The following MRPL9 variants were observed in gnomAD, a reference collection of about 807,000 sequenced individuals.
The protein encoded by MRPL9 is mitochondrial ribosomal protein L9.
A neutral mutation model predicts 27.6 loss-of-function variants in MRPL9; 25 were observed. The observed-to-expected ratio is 0.91, with a 90% CI of 0.66 to 1.27. MRPL9 has a LOEUF of 1.27. Among genes scored for constraint, MRPL9 ranks in the 50% most tolerant of loss-of-function variants. The pLI is 0.00. For synonymous variants in MRPL9, 154 were observed against 139.0 expected (o/e 1.11, Z -0.76); for missense variants, 362 against 338.0 (o/e 1.07, Z -0.56).
Position 151,760,883 on chromosome 1 carries a change from G to A in MRPL9, c.605C>T (p.Ala202Val). Residue 202 changes from alanine (A) to valine (V), a missense_variant, in exon 6 of 7, where the codon GCC becomes GTC. Coordinates refer to ENST00000368830, the MANE Select transcript of MRPL9 (RefSeq NM_031420.4). ...TTCTGGTAACTTTAATGTATGTGGG[G>A]CAACCACAACACCAAGCTGCAAAAA... ...HFFKNLGVVV[A>V]PHTLKLPEEP... The A allele has an allele frequency of 1.3e-6, 2 of 1,514,230 alleles. No individual in the cohort carries two copies. The highest frequency in any genetic ancestry group is 1.2e-5 in the South Asian group (1 of 83,322). The allele number at this position is 1,514,230 out of a possible 1,614,324, so 93.8% of individuals were successfully genotyped here.
Position 151,762,323 on chromosome 1 carries a change from A to G in MRPL9, c.435+53T>C, listed in dbSNP as rs754110212. The G allele has an allele frequency of 1.9e-6, 3 of 1,609,660 alleles. No homozygotes were observed. The South Asian group carries it at 3.3e-5, about 18-fold the overall frequency. On this transcript the variant is annotated intron_variant, in intron 3 of 6. Coordinates refer to ENST00000368830, the MANE Select transcript of MRPL9 (RefSeq NM_031420.4). ...AAATGTCAAAGGGAAGGAAGCTGCA[A>G]GAGAAAAGAAGTTTTATCTCCCCAA...
chr1:151,760,851 T>C lies in MRPL9; in HGVS notation c.637A>G (p.Ile213Val), dbSNP rs74228558. ...CACCAATACTCGCCCCACCGTGTGA[T>C]AGGCTCTTCTGGTAACTTTAATGTA... The part of the protein sequence containing the change: ...PHTLKLPEEP[I>V]TRWGEYWCEV... Residue 213 changes from isoleucine to valine, a missense_variant, in exon 6 of 7, where the codon ATC (isoleucine) becomes GTC (valine). By Grantham distance (29) the Ile-to-Val change is conservative. Transcript: ENST00000368830. The C allele has an allele frequency of 0.097, 151,664 of 1,567,210 alleles. 8,582 individuals are homozygous for C. Among genetic ancestry groups the C allele is most frequent in the Non-Finnish European group, 0.11 (124,041 of 1,158,682 alleles).
intron 2 of MRPL9, 70 bp from the exon 3 acceptor site, chr1:151,762,570 A>G: frequency 3.3e-6 from 5 of 1,503,620 alleles, no homozygotes; most frequent in Non-Finnish European, 4.5e-6. Context: ...TGTCAAAAAG[A>G]GAAGCACCTC....
chr1:151,760,549 T>C (rs11204882), intron 6 of MRPL9, among the ~76,000 whole-genome samples: 73,752 of 137,660 alleles, frequency 0.54, 19,924 homozygotes, highest in African/African-American at 0.66. Context: ...TGCACTCCAG[T>C]CTGGGCAACA....
rs142628833 is a variant in MRPL9, at chr1:151,762,559, A to G, written c.311-59T>C. 30 of 1,552,568 alleles carry G rather than the reference A, an allele frequency of 1.9e-5. No individual in the cohort carries two copies. The African/African-American group carries it at 3.2e-4, about 16-fold the overall frequency. On this transcript the variant is annotated intron_variant, in intron 2 of 6. Transcript: ENST00000368830. ...CCATCTAGGAGTCCCTAAAGAAAAG[A>G]TGTCAAAAAGAGAAGCACCTCTTAG... is the stretch of plus-strand genomic sequence containing the variant.
rs1438161679 is a variant in MRPL9, at chr1:151,762,153, C to G, written c.438G>C (p.Leu146=). 1 of 1,614,102 alleles carries G rather than the reference C, an allele frequency of 6.2e-7. No homozygotes were observed. Residue 146 remains leucine, a splice_region_variant and synonymous_variant, in exon 4 of 7, where the codon CTG becomes CTC. Coordinates refer to ENST00000368830, the MANE Select transcript of MRPL9 (RefSeq NM_031420.4). ...NKKLFEEEKL[L]RQEGKLEKIQ... Reference sequence around the variant, plus strand: ...TCTTCTCTAATTTTCCTTCTTGTCTCAGCTAGAAAAGAAAGTTAAAGATGA... The same window carrying G: ...TCTTCTCTAATTTTCCTTCTTGTCTGAGCTAGAAAAGAAAGTTAAAGATGA...
rs897185006 is a variant in MRPL9, at chr1:151,763,442, A to G, written c.38T>C (p.Leu13Pro). Residue 13 changes from leucine to proline, a missense_variant, in exon 1 of 7, where the codon CTG becomes CCG. Physicochemically the swap from Leu to Pro is moderately conservative, Grantham distance 98. Coordinates refer to ENST00000368830, the MANE Select transcript of MRPL9 (RefSeq NM_031420.4). Reference protein sequence around the residue: ...APVVTAPGRALLRAGAGRLLR... With the variant: ...APVVTAPGRAPLRAGAGRLLR... ...CAGCCGTCCAGCGCCCGCCCGCAGC[A>G]GAGCTCTGCCCGGGGCCGTGACAAC... 25 of 1,572,062 alleles carry G rather than the reference A, an allele frequency of 1.6e-5. No homozygotes were observed. The African/African-American group carries it at 2.6e-4, about 16-fold the overall frequency.
intron 4 of MRPL9, 130 bp from the exon 5 acceptor site, chr1:151,761,682 G>T: frequency 1.5e-6 from 1 of 655,102 alleles, no homozygotes. Context: ...CTCCCAAAGT[G>T]GGTCACTTCA....
rs1319278861 is a variant in MRPL9, at chr1:151,763,470, G to C, written c.10C>G (p.Pro4Ala). ...GCTCTGCCCGGGGCCGTGACAACGG[G>C]CGCCGCCATGTTCACAGGCACAGAA... MAA[P>A]VVTAPGRALL... The change falls in exon 1 of 7, where the codon CCC becomes GCC. Residue 4 changes from proline (P) to alanine (A), a missense_variant. Coordinates refer to ENST00000368830, the MANE Select transcript of MRPL9 (RefSeq NM_031420.4). The C allele has an allele frequency of 3.2e-6, 5 of 1,574,522 alleles. No homozygotes were observed. In the African/African-American group the frequency reaches 6.7e-5, roughly 21 times the overall value.
Position 151,759,969 on chromosome 1 carries a change from C to G in MRPL9, c.*81G>C. ...TCTAAAATTCTGTATTTGGTCAGAGCTGGGAGTGAGATCAGGGTGCTTGCA... is the reference window on the plus strand; with the variant it reads ...TCTAAAATTCTGTATTTGGTCAGAGGTGGGAGTGAGATCAGGGTGCTTGCA... On this transcript the variant is annotated 3_prime_UTR_variant, in exon 7 of 7. Transcript: ENST00000368830. 1 of 1,554,914 alleles carries G rather than the reference C, an allele frequency of 6.4e-7. No individual in the cohort carries two copies. Among genetic ancestry groups the G allele is most frequent in the Non-Finnish European group, 8.7e-7 (1 of 1,146,946 alleles).
At chr1:151,762,531 G>A (rs56289123) in intron 2 of MRPL9, 31 bp from the exon 3 acceptor site, 161,156 of 1,609,956 alleles carry the variant, frequency 0.1, 8,635 homozygotes, top group African/African-American at 0.15. Context: ...AGGGGAATTA[G>A]AACCATCTAG....
chr1:151,760,084 G>A lies in MRPL9; in HGVS notation c.770C>T (p.Ala257Val). ...GGGGCTGGTGGGGGCCATAGCCTTG[G>A]CAGCTTGCTGGGCTAACCAGTACTT... ...RYKYWLAQQA[A>V]KAMAPTSPQI Residue 257 changes from alanine to valine, a missense_variant, in exon 7 of 7, where the codon GCC (alanine) becomes GTC (valine). Coordinates refer to ENST00000368830, the MANE Select transcript of MRPL9 (RefSeq NM_031420.4). The A allele has an allele frequency of 6.2e-7, 1 of 1,614,102 alleles. No individual in the cohort carries two copies. Among genetic ancestry groups the A allele is most frequent in the African/African-American group, 1.3e-5 (1 of 75,038 alleles).
In MRPL9 at chr1:151,762,432, C is replaced by A; in HGVS notation, c.379G>T (p.Gly127Ter). The A allele has an allele frequency of 6.2e-7, 1 of 1,614,092 alleles. No individual in the cohort carries two copies. The highest frequency in any genetic ancestry group is 8.5e-7 in the Non-Finnish European group (1 of 1,180,008). The change falls in exon 3 of 7, where the codon GGA becomes TGA. Residue 127 changes from glycine (G) to a stop codon, truncating the protein, a stop_gained. Transcript: ENST00000368830. LOFTEE classifies it high-confidence loss of function. ...SLGRNRLLPQ[G>*]LAVYASPENK... Reference sequence around the variant, plus strand: ...TCAGGGGATGCATATACAGCCAGTCCCTGAGGAAGGAGTCGATTCCGGCCT... The same window carrying A: ...TCAGGGGATGCATATACAGCCAGTCACTGAGGAAGGAGTCGATTCCGGCCT...
intron 2 of MRPL9, 83 bp from the exon 3 acceptor site, chr1:151,762,583 A>G: frequency 7.3e-7 from 1 of 1,372,258 alleles, no homozygotes; most frequent in East Asian, 2.3e-5. Flanking sequence ...AGCACCTCTT[A>G]GTTTCTCACA....
At position 151,762,159 on chromosome 1, in the gene MRPL9, G is replaced by C. The variant is rs780504690; in HGVS notation, c.436-4C>G. On this transcript the variant is annotated splice_polypyrimidine_tract_variant and splice_region_variant and intron_variant, in intron 3 of 6. Coordinates refer to ENST00000368830, the MANE Select transcript of MRPL9 (RefSeq NM_031420.4). The stretch of plus-strand genomic sequence containing the variant: ...CTAATTTTCCTTCTTGTCTCAGCTA[G>C]AAAAGAAAGTTAAAGATGAAAAGCA... The C allele has an allele frequency of 6.2e-7, 1 of 1,613,838 alleles. No homozygotes were observed. Among genetic ancestry groups the C allele is most frequent in the East Asian group, 2.2e-5 (1 of 44,898 alleles).
intron 3 of MRPL9, 88 bp from the exon 4 acceptor site, chr1:151,762,243 G>A: frequency 6.4e-7 from 1 of 1,568,192 alleles, no homozygotes; most frequent in Non-Finnish European, 8.8e-7. Flanking sequence ...TTGGACATTG[G>A]CTGGGCTTCT....
rs1648076460 is a variant in MRPL9, at chr1:151,761,449, A to G, written c.588+2T>C. On this transcript the variant is annotated splice_donor_variant, in intron 5 of 6. Coordinates refer to ENST00000368830, the MANE Select transcript of MRPL9 (RefSeq NM_031420.4). LOFTEE classifies it high-confidence loss of function. ...GAGTGGTTTTTGGGAACACTCACTC[A>G]CATTCTTAAAGAAGTGGCGGGCAAC... The G allele has an allele frequency of 6.2e-7, 1 of 1,611,274 alleles. No homozygotes were observed. The highest frequency in any genetic ancestry group is 1.1e-5 in the South Asian group (1 of 91,044).
At chr1:151,762,242 G>A (rs1648122640) in intron 3 of MRPL9, 87 bp from the exon 4 acceptor site, 1 of 1,568,686 alleles carries the variant, frequency 6.4e-7, no homozygotes, top group Non-Finnish European at 8.8e-7. Context: ...GTTGGACATT[G>A]GCTGGGCTTC....
chr1:151,762,625 C>T, intron 2 of MRPL9, 125 bp from the exon 3 acceptor site: 2 of 972,508 alleles, frequency 2.1e-6, no homozygotes, highest in Non-Finnish European at 3.0e-6. Flanking sequence ...AATGCTAATT[C>T]ATATTCACTA....
Sources: gnomAD v4.1 joint callset for allele counts (sites outside exome capture counted in the v4.1 genomes callset) on GRCh38, gnomAD v4.1.1 for gene constraint, MANE v1.5 for transcripts, NCBI Gene and HGNC (gene_info 2026-07-23, HGNC 2026-07-21) for gene names.